Variants in ERBB4 observed in about 807,000 individuals in gnomAD.
ERBB4 encodes the protein erb-b2 receptor tyrosine kinase 4, also known as receptor tyrosine-protein kinase erbB-4.
ERBB4 carries 42 observed loss-of-function variants against 158.0 expected under a neutral mutation model. The observed-to-expected ratio is 0.27, with a 90% CI of 0.21 to 0.34. ERBB4 has a LOEUF of 0.34. Ranked by LOEUF, ERBB4 falls within the 10% of genes least tolerant of loss-of-function variation. The pLI, the probability that ERBB4 is intolerant of heterozygous loss-of-function variation, is 1.00. For synonymous variants in ERBB4, 583 were observed against 558.7 expected (o/e 1.04, Z -0.61); for missense variants, 1,333 against 1,624.1 (o/e 0.82, Z 3.08).
intron 3 of ERBB4, among the ~76,000 whole-genome samples, chr2:211,924,473 T>TA (rs761536043): frequency 5.3e-5 from 8 of 150,990 alleles, no homozygotes; most frequent in South Asian, 2.1e-4. Flanking sequence ...TCTATAAAAA[T>TA]AAAAAAAAAT....
At chr2:211,895,368 C>G (rs182142319) in intron 3 of ERBB4, among the ~76,000 whole-genome samples, 1 of 152,292 alleles carries the variant, frequency 6.6e-6, no homozygotes, top group African/African-American at 2.4e-5. Context: ...AGTGATCCTT[C>G]AGACTCAGCT....
At chr2:212,188,190 C>CTCTCTCTCTCTCTCTT in intron 1 of ERBB4, among the ~76,000 whole-genome samples, 1 of 16,648 alleles carries the variant, frequency 6.0e-5, no homozygotes, top group East Asian at 3.8e-3. Flanking sequence ...TCAGGTCTCT[C>CTCTCTCTCTCTCTCTT]TCTCTCTCTC....
chr2:211,769,124 T>C (rs1475435183), intron 4 of ERBB4, among the ~76,000 whole-genome samples: 3 of 152,184 alleles, frequency 2.0e-5, no homozygotes, highest in Admixed American at 2.0e-4. Flanking sequence ...AAGTTCAAAG[T>C]TCCCCAGGTC....
intron 19 of ERBB4, among the ~76,000 whole-genome samples, chr2:211,578,036 T>A (rs2067946416): frequency 6.6e-6 from 1 of 152,080 alleles, no homozygotes; most frequent in Admixed American, 6.6e-5. Context: ...GATAATATGA[T>A]CCCACATCAA....
chr2:211,915,419 TAACA>T (rs552387981), intron 3 of ERBB4, among the ~76,000 whole-genome samples: 138 of 144,476 alleles, frequency 9.6e-4, no homozygotes, highest in African/African-American at 3.4e-3. Context: ...GAAGGCAAAC[TAACA>T]GAGTTCAAAC....
Position 211,967,165 on chromosome 2 carries a change from G to T in ERBB4, c.235-19549C>A, listed in dbSNP as rs550480813. Among the ~76,000 whole-genome samples, 150 of 152,080 alleles carry T rather than the reference G, an allele frequency of 9.9e-4. 1 individual carries two copies. Among genetic ancestry groups the T allele is most frequent in the African/African-American group, 3.5e-3 (145 of 41,494 alleles). On this transcript the variant is annotated intron_variant, in intron 2 of 27. Transcript: ENST00000342788. ...TCAAAATCTTACCTTTGTTGAATTT[G>T]TTCAAAATAGAATACTCCATTCCCT...
chr2:211,466,759 G>A (rs1198840556), intron 20 of ERBB4, among the ~76,000 whole-genome samples: 1 of 152,014 alleles, frequency 6.6e-6, no homozygotes, highest in African/African-American at 2.4e-5. Flanking sequence ...CATCAAATGA[G>A]GATATTCTTA....
chr2:211,394,498 C>T (rs3791689), intron 25 of ERBB4, among the ~76,000 whole-genome samples: 87,150 of 151,860 alleles, frequency 0.57, 25,168 homozygotes, highest in South Asian at 0.75. Flanking sequence ...TAGCCAGAAA[C>T]CTAAAGAGGA....
intron 3 of ERBB4, among the ~76,000 whole-genome samples, chr2:211,859,525 T>C (rs58740159): frequency 0.028 from 4,220 of 152,242 alleles, 189 homozygotes; most frequent in African/African-American, 0.096. Context: ...ATGTGTTATG[T>C]TTAATAAAGT....
intron 3 of ERBB4, among the ~76,000 whole-genome samples, chr2:211,902,135 A>G (rs1467291541): frequency 6.6e-6 from 1 of 151,900 alleles, no homozygotes; most frequent in Non-Finnish European, 1.5e-5. Flanking sequence ...TAAATATGTG[A>G]TCTCTTCATT....
At chr2:211,731,571 C>T (rs2074428351) in intron 5 of ERBB4, among the ~76,000 whole-genome samples, 1 of 152,086 alleles carries the variant, frequency 6.6e-6, no homozygotes, top group African/African-American at 2.4e-5. Context: ...GAAATCTCTT[C>T]TACATGCTTT....
chr2:211,706,048 G>GT (rs534639934), intron 9 of ERBB4, among the ~76,000 whole-genome samples: 100 of 147,936 alleles, frequency 6.8e-4, no homozygotes, highest in South Asian at 5.5e-3. Flanking sequence ...AAGACTTCCA[G>GT]TTTTTTTTTT....
At chr2:212,247,837 G>A (rs2084369673) in intron 1 of ERBB4, among the ~76,000 whole-genome samples, 1 of 152,016 alleles carries the variant, frequency 6.6e-6, no homozygotes, top group Non-Finnish European at 1.5e-5. Context: ...GTTGGCGGGA[G>A]CCTGTAATCC....
At chr2:212,110,919 T>C (rs1272570404) in intron 2 of ERBB4, among the ~76,000 whole-genome samples, 1 of 152,244 alleles carries the variant, frequency 6.6e-6, no homozygotes, top group Non-Finnish European at 1.5e-5. Context: ...AAAAGTTTAC[T>C]GATAAATGTT....
chr2:211,687,544 C>T (rs538755273), intron 12 of ERBB4, among the ~76,000 whole-genome samples: 1 of 147,208 alleles, frequency 6.8e-6, no homozygotes, highest in East Asian at 1.9e-4. Context: ...TTGTTTTTAG[C>T]ATTGTATGTT....
At chr2:212,369,392 A>G (rs1374342016) in intron 1 of ERBB4, among the ~76,000 whole-genome samples, 3 of 152,010 alleles carry the variant, frequency 2.0e-5, no homozygotes, top group Non-Finnish European at 2.9e-5. Flanking sequence ...CTGCTGTCAA[A>G]TTTCCTTTTC....
intron 4 of ERBB4, among the ~76,000 whole-genome samples, chr2:211,751,764 G>A (rs149933515): frequency 3.0e-3 from 449 of 152,098 alleles, no homozygotes; most frequent in Non-Finnish European, 4.8e-3. Context: ...GTGTTTTCCC[G>A]CCTCCAGTGA....
At chr2:211,846,900 T>C (rs1024235715) in intron 3 of ERBB4, among the ~76,000 whole-genome samples, 1 of 152,148 alleles carries the variant, frequency 6.6e-6, no homozygotes, top group African/African-American at 2.4e-5. Context: ...AACAATAGCT[T>C]TGAAATAAAG....
At chr2:212,144,895 T>A (rs1489017478) in intron 1 of ERBB4, among the ~76,000 whole-genome samples, 1 of 152,168 alleles carries the variant, frequency 6.6e-6, no homozygotes, top group Non-Finnish European at 1.5e-5. Flanking sequence ...ACTGAATATA[T>A]CTTAAAACCA....
Sources: allele counts gnomAD v4.1 joint callset (sites outside exome capture counted in the v4.1 genomes callset), GRCh38; gene constraint gnomAD v4.1.1; transcripts MANE v1.5; gene names NCBI Gene and HGNC (gene_info 2026-07-23, HGNC 2026-07-21).